ZNF727: variants seen among roughly 807,000 people sequenced by gnomAD.
ZNF727 encodes the protein putative zinc finger protein 727.
A neutral mutation model predicts 11.5 loss-of-function variants in ZNF727; 11 were observed. The observed-to-expected ratio is 0.95, with a 90% confidence interval of 0.60 to 1.58. ZNF727 has a LOEUF of 1.58. Ranked by LOEUF, ZNF727 falls within the 40% of genes most tolerant of loss-of-function variation. The pLI, the probability that ZNF727 is intolerant of heterozygous loss-of-function variation, is 0.00. For synonymous variants in ZNF727, 171 were observed against 196.1 expected (o/e 0.87, Z 1.07); for missense variants, 533 against 581.7 (o/e 0.92, Z 0.86).
intron 1 of ZNF727, among the ~76,000 whole-genome samples, chr7:64,049,908 A>G (rs1789564429): frequency 6.6e-6 from 1 of 151,562 alleles, no homozygotes; most frequent in Non-Finnish European, 1.5e-5. Context: ...CTTTTGTCCC[A>G]TTTACATCTG....
intron 1 of ZNF727, among the ~76,000 whole-genome samples, chr7:64,063,012 A>T (rs892204016): frequency 5.3e-5 from 8 of 151,108 alleles, no homozygotes; most frequent in Non-Finnish European, 1.2e-4. Flanking sequence ...CGAATTTCTT[A>T]TTTTTTTTGT....
chr7:64,073,178 T>G (rs1789988765), intron 3 of ZNF727, among the ~76,000 whole-genome samples: 1 of 152,104 alleles, frequency 6.6e-6, no homozygotes, highest in Non-Finnish European at 1.5e-5. Flanking sequence ...GCCCTTTTTT[T>G]GTTTAAATAA....
intron 1 of ZNF727, among the ~76,000 whole-genome samples, chr7:64,053,822 A>G (rs1789641094): frequency 6.6e-6 from 1 of 152,204 alleles, no homozygotes; most frequent in Admixed American, 6.5e-5. Context: ...TACCCGCAGC[A>G]TGAAAACACA....
intron 1 of ZNF727, among the ~76,000 whole-genome samples, chr7:64,065,757 A>G (rs1332988089): frequency 6.6e-6 from 1 of 151,642 alleles, no homozygotes; most frequent in East Asian, 2.0e-4. Flanking sequence ...TCCACTTTTT[A>G]TTCTCCTGAT....
At position 64,084,485 on chromosome 7, in the gene ZNF727, CTG is replaced by C. The variant is rs1785843802; in HGVS notation, c.*5939_*5940del. Among the ~76,000 whole-genome samples, 1 of 152,148 alleles carries C rather than the reference CTG, an allele frequency of 6.6e-6. No homozygotes were observed. Among genetic ancestry groups the C allele is most frequent in the Non-Finnish European group, 1.5e-5 (1 of 68,014 alleles). ...ATGGTAACAATATACTATTGTGTGA[CTG>C]TGGAATAACATCTCTAGTGATTTCT... On this transcript the variant is annotated 3_prime_UTR_variant, in exon 4 of 4. Transcript: ENST00000456806.
rs1242197526 is a variant in ZNF727 at position 64,083,642 on chromosome 7, A to G, written c.*5093A>G. Among the ~76,000 whole-genome samples the G allele has an allele frequency of 6.6e-6, 1 of 152,152 alleles. No individual in the cohort carries two copies. The highest frequency in any genetic ancestry group is 1.5e-5 in the Non-Finnish European group (1 of 68,032). Reference sequence around the variant, plus strand: ...CTTGGTGAAGTGGGTTCCTGAGGGTATCTCCTCACCCGAAGGTTGCAGAGA... The same window carrying G: ...CTTGGTGAAGTGGGTTCCTGAGGGTGTCTCCTCACCCGAAGGTTGCAGAGA... On this transcript the variant is annotated 3_prime_UTR_variant, in exon 4 of 4. Coordinates refer to ENST00000456806, the MANE Select transcript of ZNF727 (RefSeq NM_001159522.3).
intron 1 of ZNF727, among the ~76,000 whole-genome samples, chr7:64,047,482 A>C (rs2116260649): frequency 6.6e-6 from 1 of 152,206 alleles, no homozygotes; most frequent in East Asian, 1.9e-4. Context: ...ATGTCTTTGG[A>C]TCCTTTGCAG....
chr7:64,080,617 A>G lies in ZNF727; in HGVS notation c.*2068A>G, dbSNP rs1785771189. 6.6e-6 allele frequency among the ~76,000 whole-genome samples: 1 copy of G among 152,192 alleles called. No homozygotes were observed. The highest frequency in any genetic ancestry group is 1.9e-4 in the East Asian group (1 of 5,170). On this transcript the variant is annotated 3_prime_UTR_variant, in exon 4 of 4. Coordinates refer to ENST00000456806, the MANE Select transcript of ZNF727 (RefSeq NM_001159522.3). ...AGATCAATGAAGTTTGCTTCTACCC[A>G]TATTCTGAATTCTGCTTCTGTCATC... is the stretch of plus-strand genomic sequence containing the variant.
chr7:64,070,714 T>G lies in ZNF727; in HGVS notation c.226+1105T>G, dbSNP rs1406986524. ...CTTTCTATAATCATAAAGCTATACC[T>G]TAGGTTACCATAACTTATGTCTTTT... On this transcript the variant is annotated intron_variant, in intron 3 of 3. Transcript: ENST00000456806. Among the ~76,000 whole-genome samples the G allele has an allele frequency of 2.0e-5, 3 of 152,070 alleles. No individual in the cohort carries two copies. In the East Asian group the frequency reaches 5.8e-4, roughly 29 times the overall value.
At chr7:64,059,038 G>A (rs531795980) in intron 1 of ZNF727, among the ~76,000 whole-genome samples, 10 of 150,462 alleles carry the variant, frequency 6.6e-5, no homozygotes, top group African/African-American at 2.4e-4. Context: ...TCCGCCTCCC[G>A]GGTTCAAGTG....
At chr7:64,052,256 G>T (rs1789610398) in intron 1 of ZNF727, among the ~76,000 whole-genome samples, 1 of 151,980 alleles carries the variant, frequency 6.6e-6, no homozygotes, top group African/African-American at 2.4e-5. Context: ...TTTTTCTTTT[G>T]GGAAGACCCT....
At position 64,080,095 on chromosome 7, in the gene ZNF727, T is replaced by C. The variant is rs1785762655; in HGVS notation, c.*1546T>C. Among the ~76,000 whole-genome samples the C allele has an allele frequency of 1.3e-5, 2 of 152,134 alleles. No individual in the cohort carries two copies. Among genetic ancestry groups the C allele is most frequent in the Non-Finnish European group, 2.9e-5 (2 of 68,022 alleles). On this transcript the variant is annotated 3_prime_UTR_variant, in exon 4 of 4. Coordinates refer to ENST00000456806, the MANE Select transcript of ZNF727 (RefSeq NM_001159522.3). ...GCTGCCTTTAACATATTTTTTTCTC[T>C]CATTTTGACCTTGGAGAATCTCATG... is the stretch of plus-strand genomic sequence containing the variant.
rs1462949011 is a variant in ZNF727 at position 64,083,085 on chromosome 7, A to G, written c.*4536A>G. ...AGAGGATTCAAAACTCCACTGATCA[A>G]AGAGCACCTGTGGTGGTAGCTGGAG... On this transcript the variant is annotated 3_prime_UTR_variant, in exon 4 of 4. Coordinates refer to ENST00000456806, the MANE Select transcript of ZNF727 (RefSeq NM_001159522.3). Among the ~76,000 whole-genome samples, 1 of 152,196 alleles carries G rather than the reference A, an allele frequency of 6.6e-6. No homozygotes were observed. The highest frequency in any genetic ancestry group is 1.5e-5 in the Non-Finnish European group (1 of 68,030).
chr7:64,070,327 G>A (rs2116315692), intron 3 of ZNF727, among the ~76,000 whole-genome samples: 1 of 152,032 alleles, frequency 6.6e-6, no homozygotes, highest in Admixed American at 6.6e-5. Context: ...TGTCATTGGG[G>A]AGCTTGCAAC....
intron 1 of ZNF727, among the ~76,000 whole-genome samples, chr7:64,045,843 C>A (rs1245092583): frequency 1.3e-5 from 2 of 152,110 alleles, no homozygotes; most frequent in African/African-American, 4.8e-5. Context: ...GAATTTCTTT[C>A]CAGCCCAGAG....
In ZNF727 at chr7:64,080,898, T is replaced by G. The variant is rs200192173; in HGVS notation, c.*2349T>G. Among the ~76,000 whole-genome samples the G allele has an allele frequency of 2.6e-4, 38 of 146,372 alleles. No homozygotes were observed. The highest frequency in any genetic ancestry group is 1.3e-3 in the East Asian group (5 of 3,928). On this transcript the variant is annotated 3_prime_UTR_variant, in exon 4 of 4. Coordinates refer to ENST00000456806, the MANE Select transcript of ZNF727 (RefSeq NM_001159522.3). ...TTTTTTGTTTTTTGTTTTTGTTTTTTTTTTTGTGGTGGTGGAGGGGGCAAT... is the reference window on the plus strand; with the variant it reads ...TTTTTTGTTTTTTGTTTTTGTTTTTGTTTTTGTGGTGGTGGAGGGGGCAAT...
In ZNF727 at chr7:64,082,642, G is replaced by A. The variant is rs193155369; in HGVS notation, c.*4093G>A. 5.9e-4 allele frequency among the ~76,000 whole-genome samples: 90 copies of A among 152,264 alleles called. No individual in the cohort carries two copies. Among genetic ancestry groups the A allele is most frequent in the Admixed American group, 2.1e-3 (32 of 15,304 alleles). On this transcript the variant is annotated 3_prime_UTR_variant, in exon 4 of 4. Transcript: ENST00000456806. ...TGTAACCCTAGCACTTTGGGAGGCC[G>A]AGGCAGGTGGATTGCCTGAGCTCAG...
rs1946852 is a variant in ZNF727 at position 64,085,268 on chromosome 7, C to T, written c.*6719C>T. On this transcript the variant is annotated 3_prime_UTR_variant, in exon 4 of 4. Transcript: ENST00000456806. ...AGAGAATGCTATTTAATCCAATTTT[C>T]ATTTAGTTATTGATCATTTTACTTT... Among the ~76,000 whole-genome samples the T allele has an allele frequency of 0.65, 98,150 of 151,436 alleles. 32,154 individuals carry two copies. Among genetic ancestry groups the T allele is most frequent in the Admixed American group, 0.73 (11,043 of 15,230 alleles).
chr7:64,073,204 T>C (rs1789989379), intron 3 of ZNF727, among the ~76,000 whole-genome samples: 1 of 152,000 alleles, frequency 6.6e-6, no homozygotes, highest in African/African-American at 2.4e-5. Flanking sequence ...GTATGACTTT[T>C]CCCCTGCATT....
Sources: allele counts gnomAD v4.1 joint callset (sites outside exome capture counted in the v4.1 genomes callset), GRCh38; gene constraint gnomAD v4.1.1; transcripts MANE v1.5; gene names NCBI Gene and HGNC (gene_info 2026-07-23, HGNC 2026-07-21).